Variants in RNF213 observed in about 807,000 individuals in gnomAD.
RNF213 encodes E3 ubiquitin-protein ligase RNF213.
Under a neutral mutation model 514.4 loss-of-function variants are expected in RNF213, and 341 were observed. The observed-to-expected ratio is 0.66, with a 90% confidence interval of 0.61 to 0.73. RNF213 has a LOEUF of 0.73. Ranked by LOEUF, RNF213 falls within the 30% of genes least tolerant of loss-of-function variation. RNF213 has a pLI of 0.00. For missense variants in RNF213, 5,767 were observed against 6,615.6 expected (o/e 0.87, Z 4.45); for synonymous variants, 2,655 against 2,658.2 (o/e 1.00, Z 0.04).
chr17:80,272,214 G>A (rs1285718342), intron 2 of RNF213, among the ~76,000 whole-genome samples: 2 of 152,024 alleles, frequency 1.3e-5, no homozygotes, highest in Non-Finnish European at 2.9e-5. Context: ...AACCTGGGAG[G>A]CAGAGGTTGC....
chr17:80,372,096 G>A (rs1480729517), intron 47 of RNF213, 111 bp downstream of exon 47: 14 of 732,588 alleles, frequency 1.9e-5, no homozygotes, highest in South Asian at 6.2e-5. Context: ...GCTCTGTTCC[G>A]TGCAGAAAAG....
At position 80,309,101 on chromosome 17, in the gene RNF213, T is replaced by G; in HGVS notation, c.2585T>G (p.Leu862Arg). The G allele has an allele frequency of 6.2e-7, 1 of 1,614,234 alleles. No homozygotes were observed. The highest frequency in any genetic ancestry group is 8.5e-7 in the Non-Finnish European group (1 of 1,180,050). Reference sequence around the variant, plus strand: ...GCCATCTGCAGCAGCACAAAGCTACTTAAGTTTTACGAGCTGCCAGCCTTA... The same window carrying G: ...GCCATCTGCAGCAGCACAAAGCTACGTAAGTTTTACGAGCTGCCAGCCTTA... ...HEAICSSTKL[L>R]KFYELPALSA... Residue 862 changes from leucine (L) to arginine (R), a missense_variant, in exon 14 of 68, where the codon CTT (leucine) becomes CGT (arginine). Physicochemically the swap from Leu to Arg is moderately radical, Grantham distance 102 (BLOSUM62 -2). Coordinates refer to ENST00000582970, the MANE Select transcript of RNF213 (RefSeq NM_001256071.3).
At chr17:80,330,198 T>C (rs988692663) in intron 20 of RNF213, among the ~76,000 whole-genome samples, 3 of 152,252 alleles carry the variant, frequency 2.0e-5, no homozygotes, top group Non-Finnish European at 2.9e-5. Flanking sequence ...TCTTCCCTTC[T>C]GGGTTATTCA....
At chr17:80,360,302 T>C in intron 38 of RNF213, 96 bp downstream of exon 38, 5 of 1,401,822 alleles carry the variant, frequency 3.6e-6, no homozygotes, top group Non-Finnish European at 3.0e-6. Context: ...AATTGCAAGG[T>C]GAATTTTGGA....
intron 3 of RNF213, among the ~76,000 whole-genome samples, chr17:80,281,859 A>AT (rs1244312284): frequency 3.3e-5 from 5 of 151,728 alleles, no homozygotes; most frequent in Admixed American, 6.6e-5. Context: ...TTAATTTTTT[A>AT]TTTTTTTTAT....
rs1488629136 is a variant in RNF213, at chr17:80,295,754, T to C, written c.1953T>C (p.Asp651=). The C allele has an allele frequency of 6.2e-7, 1 of 1,614,224 alleles. No homozygotes were observed. The highest frequency in any genetic ancestry group is 1.1e-5 in the South Asian group (1 of 91,088). Reference sequence around the variant, plus strand: ...GGTTGTGTCACCTCCTAACCTCAGATGCCAGCTCACCAGATGAGTTTCACC... The same window carrying C: ...GGTTGTGTCACCTCCTAACCTCAGACGCCAGCTCACCAGATGAGTTTCACC... ...LDWLCHLLTS[D]ASSPDEFHRD... Residue 651 remains aspartate, a synonymous_variant, in exon 10 of 68, where the codon GAT becomes GAC. Transcript: ENST00000582970.
intron 12 of RNF213, 127 bp downstream of exon 12, chr17:80,306,595 G>T: frequency 6.4e-6 from 6 of 934,814 alleles, no homozygotes; most frequent in Non-Finnish European, 6.7e-6. Context: ...GCTCACGCCT[G>T]AATCCCAGCA....
At chr17:80,298,811 CAAAAA>C in intron 11 of RNF213, 7 of 222,306 alleles carry the variant, frequency 3.1e-5, no homozygotes, top group South Asian at 1.4e-4. Flanking sequence ...CGAAAAATAC[CAAAAA>C]AAAAAAAAAA....
chr17:80,320,773 A>C (rs1414244590), intron 17 of RNF213: 1 of 152,140 alleles, frequency 6.6e-6, no homozygotes, highest in East Asian at 1.9e-4. Flanking sequence ...CCAGGAGTTC[A>C]AGACAAGCCT....
At chr17:80,315,662 T>TGGTGGTAATGGAGGTGATGGTGGA (rs2045890636) in intron 15 of RNF213, 1 of 134,148 alleles carries the variant, frequency 7.5e-6, no homozygotes, top group Non-Finnish European at 1.5e-5. Flanking sequence ...GTGATGGTGG[T>TGGTGGTAATGGAGGTGATGGTGGA]GGTACTGGAG....
chr17:80,385,466 T>C lies in RNF213; in HGVS notation c.14456-72T>C, dbSNP rs2080196689. The C allele has an allele frequency of 3.8e-6, 5 of 1,304,616 alleles. No individual in the cohort carries two copies. In the African/African-American group the frequency reaches 4.4e-5, roughly 11 times the overall value. 80.8% of individuals were successfully genotyped at this position (1,304,616 alleles called of 1,614,324 possible). A position where few individuals can be genotyped will look rare whatever the true frequency, so the allele number is the denominator to read the frequency against. On this transcript the variant is annotated intron_variant, in intron 60 of 67. Coordinates refer to ENST00000582970, the MANE Select transcript of RNF213 (RefSeq NM_001256071.3). ...GGAAAGATGGGCTCTCGGCAGAGCA[T>C]GTAACTAGGGTGGTTTGGCCCTTTC...
intron 7 of RNF213, 122 bp downstream of exon 7, chr17:80,290,850 C>G: frequency 8.6e-7 from 1 of 1,162,078 alleles, no homozygotes; most frequent in South Asian, 1.3e-5. Context: ...TGCTGTGTCA[C>G]CCAGGCTGGA....
chr17:80,311,832 AG>A (rs957007336), intron 14 of RNF213, among the ~76,000 whole-genome samples: 1 of 152,212 alleles, frequency 6.6e-6, no homozygotes, highest in African/African-American at 2.4e-5. Context: ...TTAAAAAAAA[AG>A]ATCACACACT....
At chr17:80,283,558 A>G (rs967858037) in intron 3 of RNF213, among the ~76,000 whole-genome samples, 3 of 152,172 alleles carry the variant, frequency 2.0e-5, no homozygotes, top group Non-Finnish European at 2.9e-5. Context: ...GGCTCTGCCC[A>G]ACCTCCGTGT....
At position 80,348,232 on chromosome 17, in the gene RNF213, C is replaced by A; in HGVS notation, c.9897C>A (p.Phe3299Leu). The change falls in exon 29 of 68, where the codon TTC becomes TTA. Residue 3299 changes from phenylalanine (F) to leucine (L), a missense_variant. By Grantham distance (22) the Phe-to-Leu change is conservative. This residue lies in a region of RNF213 where 919 missense variants were observed against 1,121.0 expected (regional missense o/e 0.82). Coordinates refer to ENST00000582970, the MANE Select transcript of RNF213 (RefSeq NM_001256071.3). ...HRQRHNSFAD[F>L]LQAHLHTADL... ...AGAGGCACAACTCCTTTGCAGATTTCCTTCAGGCACACCTGCACACGGCAG... is the reference window on the plus strand; with the variant it reads ...AGAGGCACAACTCCTTTGCAGATTTACTTCAGGCACACCTGCACACGGCAG... 1 of 1,614,090 alleles carries A rather than the reference C, an allele frequency of 6.2e-7. No individual in the cohort carries two copies.
intron 10 of RNF213, among the ~76,000 whole-genome samples, chr17:80,297,528 A>T (rs537172430): frequency 1.5e-4 from 23 of 152,016 alleles, no homozygotes; most frequent in Admixed American, 1.0e-3. Flanking sequence ...CTGAGGCAGG[A>T]GGGATTGCTT....
rs370320371 is a variant in RNF213 at position 80,363,591 on chromosome 17, T to C, written c.11569-18T>C. 1.4e-4 allele frequency: 233 copies of C among 1,612,714 alleles called. 1 individual carries two copies. In the African/African-American group the frequency reaches 2.7e-3, roughly 19 times the overall value. On this transcript the variant is annotated intron_variant, in intron 40 of 67. Coordinates refer to ENST00000582970, the MANE Select transcript of RNF213 (RefSeq NM_001256071.3). ...GGAGGGGCACCGCTCAGCCACGCCC[T>C]GCTGTCCGTCTCCCCAGACCCTGGA... is the stretch of plus-strand genomic sequence containing the variant.
In RNF213 at chr17:80,377,456, G is replaced by C. The variant is rs1304422538; in HGVS notation, c.13511-306G>C. Among the ~76,000 whole-genome samples the C allele has an allele frequency of 6.6e-6, 1 of 151,248 alleles. No individual in the cohort carries two copies. Among genetic ancestry groups the C allele is most frequent in the African/African-American group, 2.4e-5 (1 of 41,232 alleles). On this transcript the variant is annotated intron_variant, in intron 53 of 67. Transcript: ENST00000582970. The surrounding 1 kb of genome is among the most constrained non-coding windows in gnomAD (Gnocchi z 4.1). ...TCATGACAAAAAAAAAAAAATCAAG[G>C]AAAATAGAAAGGTCTAGAATCCTGT... is the stretch of plus-strand genomic sequence containing the variant.
Position 80,263,642 on chromosome 17 carries a change from C to G in RNF213, c.-40C>G, listed in dbSNP as rs2043503559. ...TATAGCAGGCTGCCAGCGACTCCTG[C>G]TCTTGCTTCTGGATCTGCAGGGCAG... On this transcript the variant is annotated 5_prime_UTR_variant, in exon 2 of 68. Transcript: ENST00000582970. This position sits in a 1 kb window ranked among gnomAD's most constrained non-coding sequence, Gnocchi z 4.9. 3.2e-6 allele frequency: 5 copies of G among 1,557,928 alleles called. No individual in the cohort carries two copies. In the African/African-American group the frequency reaches 6.8e-5, roughly 21 times the overall value.
Sources: gnomAD v4.1 joint callset for allele counts (sites outside exome capture counted in the v4.1 genomes callset) on GRCh38, gnomAD v4.1.1 for gene constraint, gnomAD v4.1.1 regional missense constraint, Gnocchi (gnomAD v3.1) non-coding constraint, MANE v1.5 for transcripts, NCBI Gene and HGNC (gene_info 2026-07-23, HGNC 2026-07-21) for gene names.